Variants in ADGRV1 observed in about 807,000 individuals in gnomAD.
The protein encoded by ADGRV1 is G-protein coupled receptor 98.
A neutral mutation model predicts 596.2 loss-of-function variants in ADGRV1; 359 were observed. The observed-to-expected ratio is 0.60, with a 90% CI of 0.55 to 0.66. The LOEUF is 0.66. Ranked by LOEUF, ADGRV1 falls within the 30% of genes least tolerant of loss-of-function variation. The pLI is 0.00. For missense variants in ADGRV1, 7,274 were observed against 7,575.6 expected (o/e 0.96, Z 1.48); for synonymous variants, 2,681 against 2,679.2 (o/e 1.00, Z -0.02).
chr5:91,035,861 T>TATATATATATATATATAATATATATAA, intron 85 of ADGRV1, among the ~76,000 whole-genome samples: 2 of 96,402 alleles, frequency 2.1e-5, no homozygotes, highest in African/African-American at 7.6e-5. Flanking sequence ...TATATATATA[T>TATATATATATATATATAATATATATAA]TATATATATA....
chr5:90,952,066 T>C (rs2150910592), intron 83 of ADGRV1, among the ~76,000 whole-genome samples: 1 of 152,306 alleles, frequency 6.6e-6, no homozygotes, highest in Non-Finnish European at 1.5e-5. Context: ...AAATAAAAGT[T>C]GTATGTGGCT....
intron 1 of ADGRV1, among the ~76,000 whole-genome samples, chr5:90,592,671 T>A (rs536537618): frequency 1.9e-4 from 29 of 152,290 alleles, no homozygotes; most frequent in African/African-American, 6.7e-4. Flanking sequence ...ACCTATGGAA[T>A]GGGAGAAAAT....
chr5:91,150,127 C>T lies in ADGRV1; in HGVS notation c.18530C>T (p.Pro6177Leu). 1 of 1,591,356 alleles carries T rather than the reference C, an allele frequency of 6.3e-7. No individual in the cohort carries two copies. The highest frequency in any genetic ancestry group is 8.6e-7 in the Non-Finnish European group (1 of 1,168,874). The change falls in exon 88 of 90, where the codon CCC (proline) becomes CTC (leucine). Residue 6177 changes from proline to leucine, a missense_variant. Coordinates refer to ENST00000405460, the MANE Select transcript of ADGRV1 (RefSeq NM_032119.4). ...YTVEMNGHPG[P>L]STAFFTPGSG... Reference sequence around the variant, plus strand: ...GTGGAAATGAATGGGCATCCTGGACCCAGCACAGCCTTTTTCACGCCCGGG... The same window carrying T: ...GTGGAAATGAATGGGCATCCTGGACTCAGCACAGCCTTTTTCACGCCCGGG...
intron 78 of ADGRV1, among the ~76,000 whole-genome samples, chr5:90,841,830 A>G (rs1292715112): frequency 6.6e-6 from 1 of 152,204 alleles, no homozygotes; most frequent in African/African-American, 2.4e-5. Context: ...CATACTTTCC[A>G]TCCAGTGGTA....
rs1788462781 is a variant in ADGRV1, at chr5:91,072,355, G to A, written c.18153-92G>A. ...GATGTTGCCAGCATCTGGATACAAA[G>A]AGCTAGTATAAAGTAGTGATGTGAT... is the stretch of plus-strand genomic sequence containing the variant. On this transcript the variant is annotated intron_variant, in intron 85 of 89. Transcript: ENST00000405460. 10 of 1,126,136 alleles carry A rather than the reference G, an allele frequency of 8.9e-6. No homozygotes were observed. The South Asian group carries it at 1.1e-4, about 13-fold the overall frequency. 69.8% of individuals were successfully genotyped at this position (1,126,136 alleles called of 1,614,324 possible).
rs1337275379 is a variant in ADGRV1 at position 90,840,626 on chromosome 5, A to G, written c.16660A>G (p.Ile5554Val). Residue 5554 changes from isoleucine (I) to valine (V), a missense_variant, in exon 78 of 90, where the codon ATT becomes GTT. Physicochemically the swap from Ile to Val is conservative, Grantham distance 29 (BLOSUM62 3). This residue lies in a region of ADGRV1 where 1,874 missense variants were observed against 1,970.2 expected (regional missense o/e 0.95). Transcript: ENST00000405460. Reference protein sequence around the residue: ...TIGRTIISPAISGKDFVITEG... With the variant: ...TIGRTIISPAVSGKDFVITEG... ...TGGTCGTACCATCATATCTCCAGCT[A>G]TTTCTGGAAAGGATTTTGTGATAAC... The G allele has an allele frequency of 1.2e-6, 2 of 1,613,312 alleles. No individual in the cohort carries two copies. The highest frequency in any genetic ancestry group is 2.2e-5 in the East Asian group (1 of 44,874).
intron 70 of ADGRV1, among the ~76,000 whole-genome samples, chr5:90,795,346 G>A (rs1760577260): frequency 6.6e-6 from 1 of 152,174 alleles, no homozygotes; most frequent in Non-Finnish European, 1.5e-5. Context: ...TGAGGCTTGA[G>A]TAGGTGGTTT....
At chr5:91,115,873 G>T (rs1269063702) in intron 87 of ADGRV1, among the ~76,000 whole-genome samples, 2 of 152,136 alleles carry the variant, frequency 1.3e-5, no homozygotes, top group African/African-American at 4.8e-5. Context: ...CTTGAACACT[G>T]GAGGCGGAGG....
At chr5:90,844,605 A>G (rs1765703726) in intron 78 of ADGRV1, among the ~76,000 whole-genome samples, 1 of 152,214 alleles carries the variant, frequency 6.6e-6, no homozygotes, top group Non-Finnish European at 1.5e-5. Flanking sequence ...ACCCCCCTGA[A>G]TCTGATATGC....
chr5:90,708,698 T>C (rs1748929429), intron 38 of ADGRV1, 118 bp from the exon 39 acceptor site: 2 of 555,348 alleles, frequency 3.6e-6, no homozygotes, highest in Non-Finnish European at 6.4e-6. Flanking sequence ...GTCTACTTTA[T>C]GGTTGCATTT....
chr5:91,117,001 T>C (rs1792903896), intron 87 of ADGRV1, among the ~76,000 whole-genome samples: 1 of 152,138 alleles, frequency 6.6e-6, no homozygotes, highest in African/African-American at 2.4e-5. Context: ...GAGTCACCTA[T>C]CAGGAATACA....
At chr5:91,007,174 T>C (rs532962982) in intron 85 of ADGRV1, among the ~76,000 whole-genome samples, 6 of 152,194 alleles carry the variant, frequency 3.9e-5, no homozygotes, top group Non-Finnish European at 5.9e-5. Context: ...TCTTCACCAG[T>C]TGAACATATT....
intron 41 of ADGRV1, among the ~76,000 whole-genome samples, chr5:90,711,888 T>C (rs1464453546): frequency 6.6e-6 from 1 of 152,192 alleles, no homozygotes; most frequent in African/African-American, 2.4e-5. Context: ...GCAATTCTCC[T>C]GCCTCAGCCT....
chr5:90,793,542 A>G (rs147422668), intron 70 of ADGRV1, among the ~76,000 whole-genome samples: 121 of 152,296 alleles, frequency 7.9e-4, no homozygotes, highest in Middle Eastern at 3.4e-3. Context: ...AACCCAAAAT[A>G]TGTGATGTAT....
chr5:91,113,363 T>G (rs1285851102), intron 87 of ADGRV1, among the ~76,000 whole-genome samples: 1 of 152,144 alleles, frequency 6.6e-6, no homozygotes, highest in East Asian at 1.9e-4. Flanking sequence ...GCAGGCGAAA[T>G]TTCCATGGAT....
intron 85 of ADGRV1, among the ~76,000 whole-genome samples, chr5:91,060,155 A>G (rs1051573006): frequency 6.6e-6 from 1 of 151,932 alleles, no homozygotes; most frequent in African/African-American, 2.4e-5. Flanking sequence ...ATCTACTCAC[A>G]CTGTCACTGT....
At chr5:90,661,237 A>T (rs1184209386) in intron 21 of ADGRV1, among the ~76,000 whole-genome samples, 1 of 152,172 alleles carries the variant, frequency 6.6e-6, no homozygotes, top group Non-Finnish European at 1.5e-5. Context: ...AAATTAATGA[A>T]GTTGCTTTCA....
chr5:90,857,091 T>C (rs1264805888), intron 82 of ADGRV1, among the ~76,000 whole-genome samples: 2 of 152,120 alleles, frequency 1.3e-5, no homozygotes, highest in Non-Finnish European at 2.9e-5. Flanking sequence ...GAACCTAACT[T>C]CAATTCAATA....
intron 85 of ADGRV1, among the ~76,000 whole-genome samples, chr5:91,056,086 G>A (rs191301102): frequency 5.9e-5 from 9 of 152,300 alleles, no homozygotes; most frequent in South Asian, 2.1e-4. Context: ...GGCGAATATG[G>A]CAGATGAGGC....
Sources: allele counts gnomAD v4.1 joint callset (sites outside exome capture counted in the v4.1 genomes callset), GRCh38; gene constraint gnomAD v4.1.1; regional missense constraint gnomAD v4.1.1; transcripts MANE v1.5; gene names NCBI Gene and HGNC (gene_info 2026-07-23, HGNC 2026-07-21).